TCERG1: variants seen among roughly 807,000 people sequenced by gnomAD.
The protein encoded by TCERG1 is TATA box binding protein (TBP)-associated factor, RNA polymerase II, S, 150kD.
A neutral mutation model predicts 144.7 loss-of-function variants in TCERG1; 37 were observed. The observed-to-expected ratio is 0.26, with a 90% CI of 0.20 to 0.34. TCERG1 has a LOEUF of 0.34. Ranked by LOEUF, TCERG1 falls within the 10% of genes least tolerant of loss-of-function variation. The pLI is 1.00. For synonymous variants in TCERG1, 492 were observed against 458.2 expected, an observed-to-expected ratio of 1.07 and a Z score of -0.94; for missense variants, 1,027 against 1,380.7, an observed-to-expected ratio of 0.74 and a Z score of 4.06.
chr5:146,499,281 G>A (rs1767218236), intron 17 of TCERG1, among the ~76,000 whole-genome samples: 1 of 152,140 alleles, frequency 6.6e-6, no homozygotes, highest in African/African-American at 2.4e-5. Context: ...TCTCCTTAGT[G>A]TCCTGGTATG....
intron 9 of TCERG1, among the ~76,000 whole-genome samples, chr5:146,473,742 T>G (rs1018419180): frequency 2.6e-5 from 4 of 152,194 alleles, no homozygotes; most frequent in Admixed American, 2.0e-4. Flanking sequence ...TAACAGCATA[T>G]CTGTTGATAG....
chr5:146,467,698 T>C (rs1362049792), intron 5 of TCERG1, among the ~76,000 whole-genome samples: 2 of 152,234 alleles, frequency 1.3e-5, no homozygotes, highest in Non-Finnish European at 2.9e-5. Flanking sequence ...TCTAAGGCCA[T>C]GGGGTTCCAT....
intron 15 of TCERG1, among the ~76,000 whole-genome samples, chr5:146,485,879 G>A (rs1352423752): frequency 1.3e-5 from 2 of 152,096 alleles, no homozygotes; most frequent in Admixed American, 6.5e-5. Flanking sequence ...ATCTTTAGTA[G>A]AGACAGAGTT....
At chr5:146,457,378 GAGTAAA>G (rs780627063) in intron 3 of TCERG1, 43 bp downstream of exon 3, 1 of 1,535,788 alleles carries the variant, frequency 6.5e-7, no homozygotes, top group East Asian at 2.4e-5. Context: ...GTTGACAGAG[GAGTAAA>G]ACTTAAAGAG....
chr5:146,506,065 C>A (rs1283809755), intron 19 of TCERG1, among the ~76,000 whole-genome samples: 6 of 152,202 alleles, frequency 3.9e-5, no homozygotes, highest in Non-Finnish European at 7.3e-5. Context: ...GCCACCGCAC[C>A]CGGCCTTTTT....
At position 146,493,009 on chromosome 5, in the gene TCERG1, A is replaced by G. The variant is rs1382075879; in HGVS notation, c.2253A>G (p.Lys751=). The G allele has an allele frequency of 6.2e-7, 1 of 1,605,986 alleles. No homozygotes were observed. The highest frequency in any genetic ancestry group is 1.1e-5 in the South Asian group (1 of 89,022). The change falls in exon 16 of 23, where the codon AAA becomes AAG. Residue 751 remains lysine (K), a synonymous_variant. Coordinates refer to ENST00000679501, the MANE Select transcript of TCERG1 (RefSeq NM_001382548.1). ...TGCAAGCCAAGGAAGATTTCAAAAA[A>G]ATGATGGAAGAAGCAAAATTTAATC... ...KIMQAKEDFK[K]MMEEAKFNPR... is the part of the protein sequence containing the mutation.
In TCERG1 at chr5:146,474,113, C is replaced by T. The variant is rs1239318407; in HGVS notation, c.1601+2537C>T. On this transcript the variant is annotated intron_variant, in intron 9 of 22. Coordinates refer to ENST00000679501, the MANE Select transcript of TCERG1 (RefSeq NM_001382548.1). ...GATCTGGGCAAAGTCAATAGAACAC[C>T]TTCTGTAAACAATTCACCATTGTAG... Among the ~76,000 whole-genome samples, 4 of 152,106 alleles carry T rather than the reference C, an allele frequency of 2.6e-5. 1 individual carries two copies. Among genetic ancestry groups the T allele is most frequent in the Non-Finnish European group, 5.9e-5 (4 of 68,024 alleles).
chr5:146,480,975 TTA>T (rs1491207363), intron 12 of TCERG1, among the ~76,000 whole-genome samples, 173 bp from the exon 13 acceptor site: 16 of 147,800 alleles, frequency 1.1e-4, no homozygotes, highest in African/African-American at 2.5e-4. Context: ...TGCTTTTTTT[TTA>T]AAAAAAAAAA....
chr5:146,467,893 A>G (rs918798989), intron 5 of TCERG1, among the ~76,000 whole-genome samples: 1 of 152,158 alleles, frequency 6.6e-6, no homozygotes, highest in African/African-American at 2.4e-5. Context: ...GTTGTACTCC[A>G]TGCCTCAGCT....
At chr5:146,493,089 G>C (rs778374110) in intron 16 of TCERG1, 51 bp downstream of exon 16, 2 of 1,273,482 alleles carry the variant, frequency 1.6e-6, no homozygotes, top group Non-Finnish European at 2.2e-6. Flanking sequence ...TTTCTCCTAA[G>C]ATCAGTTTTT....
chr5:146,483,164 C>G (rs1213640437), intron 14 of TCERG1, among the ~76,000 whole-genome samples: 1 of 152,122 alleles, frequency 6.6e-6, no homozygotes, highest in South Asian at 2.1e-4. Flanking sequence ...TTCACAGATT[C>G]ATTTGAATAA....
chr5:146,496,773 G>A lies in TCERG1; in HGVS notation c.2283-1763G>A, dbSNP rs374416773. On this transcript the variant is annotated intron_variant, in intron 16 of 22. Transcript: ENST00000679501. The stretch of plus-strand genomic sequence containing the variant: ...GCTCACTGCAGCCTCAGATTCCTGG[G>A]CTTAAGCAGTCATCCTGAGTAGCTG... 5.3e-5 allele frequency among the ~76,000 whole-genome samples: 8 copies of A among 151,834 alleles called. No individual in the cohort carries two copies. The East Asian group carries it at 1.2e-3, about 22-fold the overall frequency.
rs1359364298 is a variant in TCERG1, at chr5:146,458,768, C to T, written c.439-116C>T. On this transcript the variant is annotated intron_variant, in intron 3 of 22. Transcript: ENST00000679501. The stretch of plus-strand genomic sequence containing the variant: ...TGCTGGGATTACAGGAATGAGCCAC[C>T]ACGCCTGGCCCTACGTTATTTTTAA... The T allele has an allele frequency of 7.9e-6, 11 of 1,394,292 alleles. No homozygotes were observed. The African/African-American group carries it at 1.3e-4, about 17-fold the overall frequency. 86.4% of individuals were successfully genotyped at this position (1,394,292 alleles called of 1,614,324 possible).
At chr5:146,451,319 C>CTTTTTTTTTTTTTTTTTTTTTTTTT (rs56346846) in intron 1 of TCERG1, among the ~76,000 whole-genome samples, 1 of 138,892 alleles carries the variant, frequency 7.2e-6, no homozygotes. Context: ...ATCCATATTC[C>CTTTTTTTTTTTTTTTTTTTTTTTTT]TTTTTTTTTT....
At chr5:146,497,324 C>T (rs769165772) in intron 16 of TCERG1, among the ~76,000 whole-genome samples, 30 of 152,294 alleles carry the variant, frequency 2.0e-4, no homozygotes, top group Admixed American at 9.8e-4. Context: ...GCGTCAGCTA[C>T]TGTGCCTGGC....
In TCERG1 at chr5:146,468,372, G is replaced by A. The variant is rs756621904; in HGVS notation, c.1167G>A (p.Pro389=). The A allele has an allele frequency of 2.2e-5, 36 of 1,608,848 alleles. No individual in the cohort carries two copies. The highest frequency in any genetic ancestry group is 1.3e-4 in the East Asian group (6 of 44,614). ...GVAMMQIVSC[P]YVKTVATTKT... is the part of the protein sequence containing the mutation. Reference sequence around the variant, plus strand: ...CAATGATGCAAATAGTCAGCTGCCCGTATGTAAAGACAGTCGCTACCACCA... The same window carrying A: ...CAATGATGCAAATAGTCAGCTGCCCATATGTAAAGACAGTCGCTACCACCA... Residue 389 remains proline (P), a synonymous_variant, in exon 6 of 23, where the codon CCG becomes CCA. Coordinates refer to ENST00000679501, the MANE Select transcript of TCERG1 (RefSeq NM_001382548.1).
At chr5:146,471,083 C>A (rs1187566726) in intron 8 of TCERG1, among the ~76,000 whole-genome samples, 2 of 152,152 alleles carry the variant, frequency 1.3e-5, no homozygotes, top group African/African-American at 4.8e-5. Context: ...TCTGTCCTTT[C>A]TGCTGTTGTG....
chr5:146,488,763 T>G (rs1015797789), intron 15 of TCERG1, among the ~76,000 whole-genome samples: 16 of 152,294 alleles, frequency 1.1e-4, no homozygotes, highest in African/African-American at 3.6e-4. Flanking sequence ...ATTGAAGAGA[T>G]ATCTGTACCC....
intron 17 of TCERG1, chr5:146,499,429 G>A (rs764045428): frequency 3.9e-5 from 6 of 152,206 alleles, no homozygotes; most frequent in Non-Finnish European, 7.4e-5. Context: ...CTGGGAAGAA[G>A]TCTCTTTCAT....
Sources: allele counts gnomAD v4.1 joint callset (sites outside exome capture counted in the v4.1 genomes callset), GRCh38; gene constraint gnomAD v4.1.1; transcripts MANE v1.5; gene names NCBI Gene and HGNC (gene_info 2026-07-23, HGNC 2026-07-21).